Variants in MYT1L observed in about 807,000 individuals in gnomAD.
MYT1L encodes myelin transcription factor 1-like protein.
In MYT1L, 12 loss-of-function variants were observed where a neutral mutation model predicts 126.7. That is an observed-to-expected ratio of 0.09 (90% CI 0.06 to 0.15). MYT1L has a LOEUF of 0.15. MYT1L is among the 10% of genes least tolerant of loss of function. The pLI, the probability that MYT1L is intolerant of heterozygous loss-of-function variation, is 1.00. For missense variants in MYT1L, 979 were observed against 1,585.2 expected (o/e 0.62, Z 6.49); for synonymous variants, 541 against 604.2 (o/e 0.90, Z 1.53).
At chr2:2,093,182 A>G (rs1313106987) in intron 3 of MYT1L, among the ~76,000 whole-genome samples, 1 of 152,088 alleles carries the variant, frequency 6.6e-6, no homozygotes, top group African/African-American at 2.4e-5. Context: ...AATCTTTTTA[A>G]AAAAGATTAT....
At chr2:2,189,433 A>C (rs910226956) in intron 2 of MYT1L, among the ~76,000 whole-genome samples, 1 of 152,252 alleles carries the variant, frequency 6.6e-6, no homozygotes, top group Non-Finnish European at 1.5e-5. Flanking sequence ...GCAGAGGCAG[A>C]TGAGAATTCA....
intron 8 of MYT1L, among the ~76,000 whole-genome samples, chr2:1,953,807 C>A (rs866867338): frequency 6.6e-6 from 1 of 152,224 alleles, no homozygotes; most frequent in African/African-American, 2.4e-5. Flanking sequence ...TCTGCCAAAA[C>A]AGAACTCACC....
intron 13 of MYT1L, among the ~76,000 whole-genome samples, chr2:1,906,788 C>T (rs1254941054): frequency 6.6e-6 from 1 of 151,916 alleles, no homozygotes; most frequent in Admixed American, 6.6e-5. Context: ...TTAAAAGATG[C>T]TGGGGCAGGC....
intron 21 of MYT1L, among the ~76,000 whole-genome samples, chr2:1,832,416 G>T (rs747186153): frequency 6.6e-6 from 1 of 152,182 alleles, no homozygotes; most frequent in African/African-American, 2.4e-5. Context: ...TACCCATGGC[G>T]TTCAAGGCTT....
At chr2:2,198,198 T>C (rs2092908903) in intron 2 of MYT1L, among the ~76,000 whole-genome samples, 1 of 152,030 alleles carries the variant, frequency 6.6e-6, no homozygotes, top group Non-Finnish European at 1.5e-5. Flanking sequence ...CATTCATACA[T>C]AGAGGCTAAA....
intron 3 of MYT1L, among the ~76,000 whole-genome samples, chr2:2,070,190 G>C (rs577606005): frequency 6.6e-6 from 1 of 152,086 alleles, no homozygotes; most frequent in Non-Finnish European, 1.5e-5. Flanking sequence ...TTGAGTAAGA[G>C]AGATTAGCTG....
At chr2:1,862,382 C>G (rs146644073) in intron 18 of MYT1L, among the ~76,000 whole-genome samples, 24 of 152,288 alleles carry the variant, frequency 1.6e-4, no homozygotes, top group African/African-American at 5.5e-4. Context: ...CCATCTCTTA[C>G]CTTCTGGTGC....
chr2:2,061,375 G>A (rs1454658091), intron 3 of MYT1L, among the ~76,000 whole-genome samples: 4 of 152,116 alleles, frequency 2.6e-5, no homozygotes, highest in Non-Finnish European at 4.4e-5. Context: ...AGTCCCATTT[G>A]GAGCCCCTCT....
chr2:1,805,471 G>T (rs1044234871), intron 22 of MYT1L, among the ~76,000 whole-genome samples: 11 of 152,214 alleles, frequency 7.2e-5, no homozygotes, highest in Non-Finnish European at 1.2e-4. Context: ...AGAAAAGAAG[G>T]CCGGGCATGG....
At chr2:1,805,904 C>G (rs1263440784) in intron 22 of MYT1L, among the ~76,000 whole-genome samples, 1 of 152,092 alleles carries the variant, frequency 6.6e-6, no homozygotes, top group Non-Finnish European at 1.5e-5. Flanking sequence ...GAGGGATTGT[C>G]TTTTCCACAT....
At position 2,291,525 on chromosome 2, in the gene MYT1L, G is replaced by A. The variant is rs541647751; in HGVS notation, c.-520-7022C>T. Among the ~76,000 whole-genome samples the A allele has an allele frequency of 3.9e-5, 6 of 152,370 alleles. No homozygotes were observed. In the East Asian group the frequency reaches 9.6e-4, roughly 24 times the overall value. On this transcript the variant is annotated intron_variant, in intron 1 of 24. Transcript: ENST00000647738. ...AAAGTGTCCAGGTCTTTGTCCTGAAGAAGCTCATCACACAAACTGGAAGGT... is the reference window on the plus strand; with the variant it reads ...AAAGTGTCCAGGTCTTTGTCCTGAAAAAGCTCATCACACAAACTGGAAGGT...
intron 8 of MYT1L, among the ~76,000 whole-genome samples, chr2:1,952,702 CTT>C (rs2057878572): frequency 8.3e-6 from 1 of 120,828 alleles, no homozygotes; most frequent in Non-Finnish European, 1.8e-5. Context: ...TCCTTCCTTT[CTT>C]CCTTCCCTTC....
intron 21 of MYT1L, among the ~76,000 whole-genome samples, chr2:1,813,554 C>T (rs1231671680): frequency 1.3e-5 from 2 of 152,186 alleles, no homozygotes; most frequent in Non-Finnish European, 2.9e-5. Flanking sequence ...GGCGAGCATT[C>T]TCACCTGAGC....
intron 18 of MYT1L, among the ~76,000 whole-genome samples, chr2:1,865,008 C>T (rs1185933597): frequency 6.6e-6 from 1 of 152,208 alleles, no homozygotes; most frequent in Non-Finnish European, 1.5e-5. Context: ...CAGGCTTCTG[C>T]CAGAGGATGC....
At position 1,792,001 on chromosome 2, in the gene MYT1L, T is replaced by G. The variant is rs764343593; in HGVS notation, c.3427A>C (p.Ile1143Leu). 2.5e-6 allele frequency: 4 copies of G among 1,597,812 alleles called. No individual in the cohort carries two copies. The highest frequency in any genetic ancestry group is 3.4e-6 in the Non-Finnish European group (4 of 1,173,162). Residue 1143 changes from isoleucine to leucine, a missense_variant, in exon 25 of 25, where the codon ATC (isoleucine) becomes CTC (leucine). This residue lies in a region of MYT1L where 179 missense variants were observed against 398.6 expected (regional missense o/e 0.45). Transcript: ENST00000647738. ...ANIQLPHMDP[I>L]NEQNFDAYVT... ...TAAGCATCAAAATTTTGTTCATTGA[T>G]TGGATCCTACGAGATATTAAATAGT...
intron 9 of MYT1L, among the ~76,000 whole-genome samples, chr2:1,933,063 C>T (rs1280990229): frequency 6.6e-6 from 1 of 152,096 alleles, no homozygotes; most frequent in Non-Finnish European, 1.5e-5. Flanking sequence ...CTCTTCACAC[C>T]TCACACTGTT....
At chr2:1,948,350 C>G (rs1428567784) in intron 8 of MYT1L, among the ~76,000 whole-genome samples, 2 of 152,274 alleles carry the variant, frequency 1.3e-5, no homozygotes, top group African/African-American at 4.8e-5. Context: ...AACAAGTACC[C>G]TCTGTCCCTT....
At chr2:2,175,509 T>C (rs140247287) in intron 2 of MYT1L, among the ~76,000 whole-genome samples, 15 of 152,134 alleles carry the variant, frequency 9.9e-5, no homozygotes, top group Non-Finnish European at 1.6e-4. Flanking sequence ...TACACGTTGA[T>C]AGTGCTTCTT....
chr2:1,826,110 G>C (rs963271992), intron 21 of MYT1L: 3 of 152,346 alleles, frequency 2.0e-5, no homozygotes, highest in African/African-American at 7.2e-5. Context: ...GAGTTGGACT[G>C]TGAGCTCCAG....
Sources: allele counts gnomAD v4.1 joint callset (sites outside exome capture counted in the v4.1 genomes callset), GRCh38; gene constraint gnomAD v4.1.1; regional missense constraint gnomAD v4.1.1; transcripts MANE v1.5; gene names NCBI Gene and HGNC (gene_info 2026-07-23, HGNC 2026-07-21).